MIDN: variants seen among roughly 807,000 people sequenced by gnomAD.
The protein encoded by MIDN is midnolin, also known as midbrain nucleolar protein.
Under a neutral mutation model 46.1 loss-of-function variants are expected in MIDN, and 26 were observed. That is an observed-to-expected ratio of 0.56 (90% confidence interval 0.41 to 0.78). The LOEUF is 0.78. Ranked by LOEUF, MIDN falls within the 30% of genes least tolerant of loss-of-function variation. The pLI, the probability that MIDN is intolerant of heterozygous loss-of-function variation, is 0.00. For synonymous variants in MIDN, 432 were observed against 343.3 expected, an observed-to-expected ratio of 1.26 and a Z score of -2.86; for missense variants, 850 against 771.8, an observed-to-expected ratio of 1.10 and a Z score of -1.20.
chr19:1,256,376 G>T (rs113576902), intron 8 of MIDN, among the ~76,000 whole-genome samples: 37 of 151,880 alleles, frequency 2.4e-4, no homozygotes, highest in Non-Finnish European at 4.0e-4. Context: ...CCAGCTACTC[G>T]GGAGGCTGAG....
intron 4 of MIDN, among the ~76,000 whole-genome samples, chr19:1,253,501 G>A (rs1235437088): frequency 6.6e-6 from 1 of 152,078 alleles, no homozygotes; most frequent in Non-Finnish European, 1.5e-5. Flanking sequence ...AGGACAGGGT[G>A]AGATTCAACC....
At position 1,251,798 on chromosome 19, in the gene MIDN, C is replaced by G. The variant is rs369782669; in HGVS notation, c.322-41C>G. The G allele has an allele frequency of 7.5e-6, 12 of 1,597,826 alleles. No individual in the cohort carries two copies. The African/African-American group carries it at 1.5e-4, about 20-fold the overall frequency. On this transcript the variant is annotated intron_variant, in intron 3 of 8. Coordinates refer to ENST00000682408, the MANE Select transcript of MIDN (RefSeq NM_001388306.1). Reference sequence around the variant, plus strand: ...CCACCCCCTATTCCAGCCCAGGATTCCGACCCCACACTCAGGCCCCTCTCC... The same window carrying G: ...CCACCCCCTATTCCAGCCCAGGATTGCGACCCCACACTCAGGCCCCTCTCC...
chr19:1,252,254 G>A (rs1428123577), intron 4 of MIDN, among the ~76,000 whole-genome samples: 1 of 152,204 alleles, frequency 6.6e-6, no homozygotes, highest in African/African-American at 2.4e-5. Flanking sequence ...TCCAGCCGCT[G>A]TGGCTTCCCC....
intron 2 of MIDN, among the ~76,000 whole-genome samples, chr19:1,250,983 C>T (rs1040757530): frequency 6.6e-6 from 1 of 152,104 alleles, no homozygotes; most frequent in Non-Finnish European, 1.5e-5. Context: ...TTTAAATCGC[C>T]TGCAGGCCCG....
chr19:1,253,352 G>C (rs2081156585), intron 4 of MIDN, among the ~76,000 whole-genome samples: 2 of 152,260 alleles, frequency 1.3e-5, no homozygotes, highest in South Asian at 2.1e-4. Flanking sequence ...AGGAGAGCCG[G>C]GAGGGAGAGC....
rs1378139771 is a variant in MIDN at position 1,258,519 on chromosome 19, T to C, written c.*1247T>C. The C allele has an allele frequency of 6.6e-6, 1 of 152,524 alleles. No homozygotes were observed. The highest frequency in any genetic ancestry group is 1.9e-4 in the East Asian group (1 of 5,188). 9.4% of individuals were successfully genotyped at this position (152,524 alleles called of 1,614,324 possible). On this transcript the variant is annotated 3_prime_UTR_variant, in exon 9 of 9. Transcript: ENST00000682408. Reference sequence around the variant, plus strand: ...TTTTGGATTTTTTTCCCCACTCACTTTTTATTTTTTAATGATAATGGAGAT... The same window carrying C: ...TTTTGGATTTTTTTCCCCACTCACTCTTTATTTTTTAATGATAATGGAGAT...
intron 2 of MIDN, 32 bp downstream of exon 2, chr19:1,250,561 C>T (rs2081112909): frequency 8.9e-7 from 1 of 1,118,142 alleles, no homozygotes; most frequent in Non-Finnish European, 1.1e-6. Context: ...CCGGCCGCCC[C>T]CTCGGGCCCC....
In MIDN at chr19:1,258,766, T is replaced by C. The variant is rs2081232238; in HGVS notation, c.*1494T>C. ...CCCAGAGGGTAGAGCTCAAGGATTT[T>C]GGGTTTTGTTTTGTTTTCATTTTTC... On this transcript the variant is annotated 3_prime_UTR_variant, in exon 9 of 9. Coordinates refer to ENST00000682408, the MANE Select transcript of MIDN (RefSeq NM_001388306.1). The C allele has an allele frequency of 6.6e-6, 1 of 151,286 alleles. No homozygotes were observed. The highest frequency in any genetic ancestry group is 2.4e-5 in the African/African-American group (1 of 41,088). 9.4% of individuals were successfully genotyped at this position (151,286 alleles called of 1,614,324 possible). A position where few individuals can be genotyped will look rare whatever the true frequency, so the allele number is the denominator to read the frequency against.
chr19:1,251,855 C>T lies in MIDN; in HGVS notation c.338C>T (p.Pro113Leu), dbSNP rs762620482. 38 of 1,613,404 alleles carry T rather than the reference C, an allele frequency of 2.4e-5. No homozygotes were observed. The highest frequency in any genetic ancestry group is 3.1e-5 in the Non-Finnish European group (37 of 1,179,786). Residue 113 changes from proline (P) to leucine (L), a missense_variant, in exon 4 of 9, where the codon CCG becomes CTG. Coordinates refer to ENST00000682408, the MANE Select transcript of MIDN (RefSeq NM_001388306.1). ...EAGLMSQASRPEQSVMQALES... is the reference protein window; with the variant it reads ...EAGLMSQASRLEQSVMQALES... ...TCTTTGTAGTCTCAGGCCTCAAGGC[C>T]GGAACAGTCCGTGATGCAAGCTCTC...
Position 1,251,390 on chromosome 19 carries a change from G to A in MIDN, c.234-172G>A, listed in dbSNP as rs1054954298. ...CGCCAGGATGGGGCTCCCAGCACCAGACGGAGACCTCTCTGCACGCGCTTA... is the reference window on the plus strand; with the variant it reads ...CGCCAGGATGGGGCTCCCAGCACCAAACGGAGACCTCTCTGCACGCGCTTA... On this transcript the variant is annotated intron_variant, in intron 2 of 8. Transcript: ENST00000682408. 3.0e-5 allele frequency: 18 copies of A among 595,650 alleles called. No homozygotes were observed. In the African/African-American group the frequency reaches 3.1e-4, roughly 10 times the overall value. The allele number at this position is 595,650 out of a possible 1,614,324, so 36.9% of individuals were successfully genotyped here.
Position 1,255,618 on chromosome 19 carries a change from C to A in MIDN, c.1182C>A (p.Ser394=). 2 of 1,608,308 alleles carry A rather than the reference C, an allele frequency of 1.2e-6. No homozygotes were observed. The highest frequency in any genetic ancestry group is 1.7e-6 in the Non-Finnish European group (2 of 1,179,284). ...PAPDLAPRTT[S]CEKLTAAPSA... ...CCGACCTGGCCCCCAGAACTACCTC[C>A]TGCGAGAAGCTCACGGCTGCCCCCT... is the stretch of plus-strand genomic sequence containing the variant. Residue 394 remains serine, a synonymous_variant, in exon 8 of 9, where the codon TCC becomes TCA. Coordinates refer to ENST00000682408, the MANE Select transcript of MIDN (RefSeq NM_001388306.1).
At chr19:1,251,006 C>T (rs988522480) in intron 2 of MIDN, among the ~76,000 whole-genome samples, 1 of 152,046 alleles carries the variant, frequency 6.6e-6, no homozygotes, top group South Asian at 2.1e-4. Context: ...GCCCTCCCCC[C>T]GCGGGCCTCC....
intron 4 of MIDN, among the ~76,000 whole-genome samples, chr19:1,252,530 C>A (rs1198989498): frequency 1.3e-5 from 2 of 151,034 alleles, no homozygotes; most frequent in Non-Finnish European, 2.9e-5. Context: ...ACCCGGTTCC[C>A]GGTTTTGCTG....
chr19:1,251,081 C>T (rs890464605), intron 2 of MIDN, among the ~76,000 whole-genome samples: 17 of 152,052 alleles, frequency 1.1e-4, no homozygotes, highest in South Asian at 8.3e-4. Context: ...GGGAGGGTCT[C>T]CTTTGTCTGC....
Position 1,257,509 on chromosome 19 carries a change from C to T in MIDN, c.*237C>T, listed in dbSNP as rs962968376. On this transcript the variant is annotated 3_prime_UTR_variant, in exon 9 of 9. Coordinates refer to ENST00000682408, the MANE Select transcript of MIDN (RefSeq NM_001388306.1). ...CTACCTCCTTCACCCTTCACTCCTGCCCTCCTCTTCCTCCTCCTCCTCCTC... is the reference window on the plus strand; with the variant it reads ...CTACCTCCTTCACCCTTCACTCCTGTCCTCCTCTTCCTCCTCCTCCTCCTC... 2 of 443,612 alleles carry T rather than the reference C, an allele frequency of 4.5e-6. No individual in the cohort carries two copies. Among genetic ancestry groups the T allele is most frequent in the Admixed American group, 4.7e-5 (1 of 21,366 alleles). 27.5% of individuals were successfully genotyped at this position (443,612 alleles called of 1,614,324 possible).
chr19:1,257,142 G>T lies in MIDN; in HGVS notation c.1406G>T (p.Arg469Leu), dbSNP rs773469970. 37 of 1,611,282 alleles carry T rather than the reference G, an allele frequency of 2.3e-5. No individual in the cohort carries two copies. The highest frequency in any genetic ancestry group is 3.1e-5 in the Non-Finnish European group (36 of 1,179,178). ...TGGTCACCCAGCCGCAAGGCCGGCC[G>T]CAGCGACAGCAGTAGCAGCGGGGGC... ...YHWSPSRKAG[R>L]SDSSSSGGGG... The change falls in exon 9 of 9, where the codon CGC becomes CTC. Residue 469 changes from arginine (R) to leucine (L), a missense_variant. Physicochemically the swap from Arg to Leu is moderately radical, Grantham distance 102 (BLOSUM62 -2). Transcript: ENST00000682408.
intron 4 of MIDN, among the ~76,000 whole-genome samples, chr19:1,253,228 G>A (rs952623480): frequency 6.6e-6 from 1 of 151,678 alleles, no homozygotes; most frequent in Non-Finnish European, 1.5e-5. Flanking sequence ...GGGCAGGGGG[G>A]TAGGGGGCCG....
At chr19:1,251,262 T>TTCACA in intron 2 of MIDN, 1 of 390,548 alleles carries the variant, frequency 2.6e-6, no homozygotes. Context: ...GAAGGTGGCA[T>TTCACA]AGAGCACACT....
intron 4 of MIDN, among the ~76,000 whole-genome samples, chr19:1,253,047 A>AG (rs1375082478): frequency 2.8e-5 from 4 of 141,756 alleles, no homozygotes; most frequent in Admixed American, 6.8e-5. Context: ...GGGGGGCTGG[A>AG]GGGGGTGCTG....
Sources: gnomAD v4.1 joint callset for allele counts (sites outside exome capture counted in the v4.1 genomes callset) on GRCh38, gnomAD v4.1.1 for gene constraint, MANE v1.5 for transcripts, NCBI Gene and HGNC (gene_info 2026-07-23, HGNC 2026-07-21) for gene names.